AFF2: variants seen among roughly 807,000 people sequenced by gnomAD.
The protein encoded by AFF2 is ALF transcription elongation factor 2.
A neutral mutation model predicts 76.9 loss-of-function variants in AFF2; 14 were observed. The ratio of observed to expected loss-of-function variants is 0.18; its 90% CI spans 0.12 to 0.28. The LOEUF is 0.28. Ranked by LOEUF, AFF2 falls within the 10% of genes least tolerant of loss-of-function variation. AFF2 has a pLI of 1.00. For synonymous variants in AFF2, 398 were observed against 366.7 expected, an observed-to-expected ratio of 1.09 and a Z score of -0.98; for missense variants, 868 against 1,001.1, an observed-to-expected ratio of 0.87 and a Z score of 1.79.
intron 9 of AFF2, among the ~76,000 whole-genome samples, chrX:148,906,350 A>G (rs1430160830): frequency 9.0e-6 from 1 of 111,515 alleles, no homozygotes; most frequent in Non-Finnish European, 1.9e-5. Flanking sequence ...TTGTTGGCCA[A>G]CCTCCCCAAC....
At chrX:148,963,713 C>T (rs993839131) in intron 13 of AFF2, among the ~76,000 whole-genome samples, 1 of 111,369 alleles carries the variant, frequency 9.0e-6, no homozygotes, top group Non-Finnish European at 1.9e-5. Context: ...ACATAAATGC[C>T]GTGGGTGGTG....
chrX:148,978,619 T>C (rs2072355408), intron 18 of AFF2, among the ~76,000 whole-genome samples, 164 bp downstream of exon 18: 1 of 112,457 alleles, frequency 8.9e-6, no homozygotes, highest in Admixed American at 9.4e-5. Context: ...AAGGAGTTTA[T>C]GGCTGATTTG....
intron 4 of AFF2, among the ~76,000 whole-genome samples, chrX:148,830,672 G>A (rs1012721645): frequency 1.6e-4 from 18 of 111,288 alleles, no homozygotes; most frequent in Admixed American, 1.4e-3. Flanking sequence ...TAGGGTGTGG[G>A]TCACAGAGAT....
rs189546701 is a variant in AFF2, at chrX:148,830,082, T to C, written c.1087-7565T>C. ...TTCAGATAGCTGTCCCTTAGAGGTATTGCAGTATTCCCATGCCCCCACTGA... is the reference window on the plus strand; with the variant it reads ...TTCAGATAGCTGTCCCTTAGAGGTACTGCAGTATTCCCATGCCCCCACTGA... On this transcript the variant is annotated intron_variant, in intron 4 of 20. Coordinates refer to ENST00000370460, the MANE Select transcript of AFF2 (RefSeq NM_002025.4). Among the ~76,000 whole-genome samples, 26 of 112,270 alleles carry C rather than the reference T, an allele frequency of 2.3e-4. 1 individual carries two copies. The East Asian group carries it at 7.0e-3, about 30-fold the overall frequency.
intron 1 of AFF2, among the ~76,000 whole-genome samples, chrX:148,559,610 T>C (rs1449395017): frequency 1.8e-5 from 2 of 111,289 alleles, no homozygotes; most frequent in East Asian, 2.8e-4. Flanking sequence ...GAACTCATCC[T>C]TTTTTTTATG....
chrX:148,817,556 A>T (rs1385837679), intron 4 of AFF2, among the ~76,000 whole-genome samples: 1 of 112,266 alleles, frequency 8.9e-6, no homozygotes, highest in East Asian at 2.8e-4. Flanking sequence ...ACAAAATATG[A>T]CAGTATAACT....
intron 3 of AFF2, among the ~76,000 whole-genome samples, chrX:148,709,720 G>C (rs113821088): frequency 8.0e-5 from 9 of 111,908 alleles, no homozygotes; most frequent in Non-Finnish European, 1.5e-4. Flanking sequence ...AGAAAGGGTA[G>C]CATACTAGTG....
chrX:148,986,203 G>A (rs1283851592), intron 19 of AFF2, among the ~76,000 whole-genome samples: 7 of 111,771 alleles, frequency 6.3e-5, no homozygotes, highest in African/African-American at 9.8e-5. Context: ...CAGACTCATG[G>A]AGTCCTAAAG....
intron 3 of AFF2, among the ~76,000 whole-genome samples, chrX:148,665,685 A>G (rs1225190245): frequency 9.0e-6 from 1 of 111,534 alleles, no homozygotes; most frequent in Admixed American, 9.5e-5. Context: ...ATGTGGCTAA[A>G]ACTCTGACCA....
chrX:148,616,733 C>A (rs1447694664), intron 1 of AFF2, among the ~76,000 whole-genome samples: 22 of 108,361 alleles, frequency 2.0e-4, no homozygotes, highest in Non-Finnish European at 3.6e-4. Context: ...CTTCCCCCAC[C>A]CCACAACAGT....
Position 148,636,152 on chromosome X carries a change from C to T in AFF2, c.48-15847C>T, listed in dbSNP as rs1883240934. On this transcript the variant is annotated intron_variant, in intron 1 of 20. Transcript: ENST00000370460. ...TGAAGTAGATCATATCCTTTCTTTC[C>T]AGTCTGTGTTGGATCATACATTACG... Among the ~76,000 whole-genome samples, 3 of 111,056 alleles carry T rather than the reference C, an allele frequency of 2.7e-5. No individual in the cohort carries two copies. In the South Asian group the frequency reaches 1.1e-3, roughly 42 times the overall value.
chrX:148,611,466 A>G (rs996674580), intron 1 of AFF2, among the ~76,000 whole-genome samples: 4 of 112,003 alleles, frequency 3.6e-5, no homozygotes, highest in Non-Finnish European at 7.5e-5. Context: ...TTATTTTCCC[A>G]CAGTCCTGGA....
intron 4 of AFF2, among the ~76,000 whole-genome samples, chrX:148,817,950 A>G (rs1389070517): frequency 2.0e-4 from 22 of 112,157 alleles, no homozygotes; most frequent in African/African-American, 7.1e-4. Context: ...AAATAAGTGG[A>G]AACATATTTA....
chrX:148,721,711 AC>A (rs1392175324), intron 3 of AFF2, among the ~76,000 whole-genome samples: 1 of 112,110 alleles, frequency 8.9e-6, no homozygotes, highest in African/African-American at 3.2e-5. Context: ...GGCTTAAATA[AC>A]AAACATTTAT....
chrX:148,917,075 A>G (rs782365975), intron 9 of AFF2, among the ~76,000 whole-genome samples: 1 of 112,576 alleles, frequency 8.9e-6, no homozygotes, highest in East Asian at 2.8e-4. Context: ...CATTGGGTAA[A>G]TTATTTGCTT....
intron 12 of AFF2, 106 bp from the exon 13 acceptor site, chrX:148,962,609 A>G: frequency 1.6e-6 from 1 of 611,663 alleles, no homozygotes; most frequent in South Asian, 2.9e-5. Context: ...AGGTAGAGGG[A>G]CAGCAATTAA....
chrX:148,765,435 G>C (rs1403478021), intron 3 of AFF2, among the ~76,000 whole-genome samples: 1 of 111,516 alleles, frequency 9.0e-6, no homozygotes, highest in Non-Finnish European at 1.9e-5. Flanking sequence ...GGAACTGCAT[G>C]AGTTTCTGTC....
At chrX:148,723,354 A>G (rs1050196156) in intron 3 of AFF2, among the ~76,000 whole-genome samples, 6 of 111,921 alleles carry the variant, frequency 5.4e-5, no homozygotes, top group African/African-American at 2.0e-4. Context: ...AATGCAACTG[A>G]GAGATACGGA....
At chrX:148,621,996 T>C (rs1322831084) in intron 1 of AFF2, among the ~76,000 whole-genome samples, 2 of 112,552 alleles carry the variant, frequency 1.8e-5, no homozygotes, top group Non-Finnish European at 3.8e-5. Context: ...CTTGTTACTT[T>C]AACATTGTCA....
Sources: allele counts gnomAD v4.1 joint callset (sites outside exome capture counted in the v4.1 genomes callset), GRCh38; gene constraint gnomAD v4.1.1; transcripts MANE v1.5; gene names NCBI Gene and HGNC (gene_info 2026-07-23, HGNC 2026-07-21).